ATP8A1: variants seen among roughly 807,000 people sequenced by gnomAD.
ATP8A1 encodes ATPase phospholipid transporting 8A1, also known as phospholipid-transporting ATPase IA.
ATP8A1 carries 90 observed loss-of-function variants against 177.7 expected under a neutral mutation model. That is an observed-to-expected ratio of 0.51 (90% CI 0.43 to 0.60). The LOEUF (loss-of-function observed/expected upper bound fraction) is 0.60, where lower values mean the gene tolerates loss of function less well. Among genes scored for constraint, ATP8A1 ranks in the 20% least tolerant of loss-of-function variants. The pLI is 0.00. For synonymous variants in ATP8A1, 493 were observed against 485.9 expected (o/e 1.01, Z -0.19); for missense variants, 1,072 against 1,392.8 (o/e 0.77, Z 3.67).
Position 42,479,996 on chromosome 4 carries a change from TTGTGTGTGTGTGTGTG to T in ATP8A1, c.2324+5484_2324+5499del, listed in dbSNP as rs376966152. 3.3e-3 allele frequency among the ~76,000 whole-genome samples: 444 copies of T among 135,654 alleles called. 1 individual carries two copies. Among genetic ancestry groups the T allele is most frequent in the Non-Finnish European group, 5.0e-3 (322 of 64,256 alleles). The allele number at this position is 135,654 out of a possible 152,430, so 89.0% of individuals were successfully genotyped here. A position where few individuals can be genotyped will look rare whatever the true frequency, so the allele number is the denominator to read the frequency against. On this transcript the variant is annotated intron_variant, in intron 25 of 36. Coordinates refer to ENST00000381668, the MANE Select transcript of ATP8A1 (RefSeq NM_006095.2). ...AGAATTATGTAATCTGCAGTTCTGCTTGTGTGTGTGTGTGTGTGTGTGTGTGTGTGTGTGTACTGGT... is the reference window on the plus strand; with the variant it reads ...AGAATTATGTAATCTGCAGTTCTGCTTGTGTGTGTGTGTGTGTGTACTGGT...
At chr4:42,606,754 C>A (rs887929597) in intron 5 of ATP8A1, among the ~76,000 whole-genome samples, 11 of 152,140 alleles carry the variant, frequency 7.2e-5, no homozygotes, top group African/African-American at 2.7e-4. Flanking sequence ...TTTCTACTAC[C>A]ACAGCAATGA....
intron 7 of ATP8A1, 48 bp downstream of exon 7, chr4:42,590,763 C>T (rs374640623): frequency 2.2e-5 from 35 of 1,556,890 alleles, no homozygotes; most frequent in South Asian, 1.1e-4. Flanking sequence ...CTCCGGTTTA[C>T]GGTGAGGACC....
chr4:42,584,820 T>G (rs1253359675), intron 9 of ATP8A1, among the ~76,000 whole-genome samples: 1 of 152,206 alleles, frequency 6.6e-6, no homozygotes, highest in African/African-American at 2.4e-5. Flanking sequence ...CCTGGACATC[T>G]CTGTTTGGAC....
chr4:42,619,460 A>G (rs1374272871), intron 4 of ATP8A1, among the ~76,000 whole-genome samples: 1 of 152,130 alleles, frequency 6.6e-6, no homozygotes. Context: ...ATTTCCAAGT[A>G]TGTGTGTTAT....
chr4:42,413,331 A>AG (rs1299005722), intron 36 of ATP8A1, among the ~76,000 whole-genome samples: 6 of 152,088 alleles, frequency 3.9e-5, no homozygotes, highest in African/African-American at 1.4e-4. Flanking sequence ...CCAATTCTGG[A>AG]GGGGGTGAGG....
intron 24 of ATP8A1, among the ~76,000 whole-genome samples, chr4:42,501,857 G>T (rs1218967297): frequency 6.6e-6 from 1 of 152,158 alleles, no homozygotes; most frequent in Non-Finnish European, 1.5e-5. Flanking sequence ...TGGGAGAAAA[G>T]CCTTCCCCAG....
chr4:42,521,250 A>T (rs1048896914), intron 22 of ATP8A1, among the ~76,000 whole-genome samples: 13 of 152,162 alleles, frequency 8.5e-5, no homozygotes, highest in Non-Finnish European at 1.6e-4. Flanking sequence ...AAGTCACTTG[A>T]ATGATTTAGA....
chr4:42,507,496 G>C (rs1467446834), intron 22 of ATP8A1, among the ~76,000 whole-genome samples: 1 of 151,990 alleles, frequency 6.6e-6, no homozygotes, highest in Non-Finnish European at 1.5e-5. Context: ...GGGAGGCCAA[G>C]GCTGGCGGAT....
chr4:42,607,845 G>T (rs549731546), intron 5 of ATP8A1, among the ~76,000 whole-genome samples: 115 of 152,034 alleles, frequency 7.6e-4, no homozygotes, highest in African/African-American at 2.5e-3. Context: ...AGCGTTAAGA[G>T]CCTAGAGGAG....
intron 27 of ATP8A1, 53 bp downstream of exon 27, chr4:42,464,637 T>A: frequency 1.9e-6 from 2 of 1,054,424 alleles, no homozygotes; most frequent in South Asian, 3.4e-5. Context: ...TAAAGAAAAT[T>A]TCTTTAAATA....
intron 1 of ATP8A1, among the ~76,000 whole-genome samples, chr4:42,635,778 CACACATATAT>C (rs1468956380): frequency 8.9e-5 from 3 of 33,662 alleles, no homozygotes; most frequent in African/African-American, 2.4e-4. Context: ...CACACACACA[CACACATATAT>C]ATATATATAT....
In ATP8A1 at chr4:42,408,787, G is replaced by A. The variant is rs1378765703; in HGVS notation, c.*4129C>T. ...GATTAAAGTAGTTAAACAACAGATA[G>A]TATTTACTGCATTTATGGCTTCCAT... is the stretch of plus-strand genomic sequence containing the variant. On this transcript the variant is annotated 3_prime_UTR_variant, in exon 37 of 37. Transcript: ENST00000381668. 2 of 152,142 alleles carry A rather than the reference G, an allele frequency of 1.3e-5. No homozygotes were observed. The highest frequency in any genetic ancestry group is 2.4e-5 in the African/African-American group (1 of 41,444). 9.4% of individuals were successfully genotyped at this position (152,142 alleles called of 1,614,324 possible). A position where few individuals can be genotyped will look rare whatever the true frequency, so the allele number is the denominator to read the frequency against.
chr4:42,434,500 T>C (rs544580478), intron 33 of ATP8A1, among the ~76,000 whole-genome samples: 14 of 152,356 alleles, frequency 9.2e-5, no homozygotes, highest in Non-Finnish European at 1.6e-4. Context: ...ACAGCTGTTA[T>C]ATGGCTTACA....
intron 6 of ATP8A1, among the ~76,000 whole-genome samples, chr4:42,593,609 AAAC>A (rs1487789435): frequency 1.3e-5 from 2 of 152,100 alleles, no homozygotes; most frequent in Non-Finnish European, 2.9e-5. Context: ...AAATGATGAT[AAAC>A]AACCTCTAAA....
chr4:42,651,702 A>G (rs1165449895), intron 1 of ATP8A1, among the ~76,000 whole-genome samples: 1 of 152,208 alleles, frequency 6.6e-6, no homozygotes, highest in Non-Finnish European at 1.5e-5. Context: ...TCTCCTGGCT[A>G]AAACTATTGT....
chr4:42,601,783 A>G (rs1434823947), intron 5 of ATP8A1, among the ~76,000 whole-genome samples: 1 of 152,224 alleles, frequency 6.6e-6, no homozygotes, highest in East Asian at 1.9e-4. Context: ...TTATAGGTAC[A>G]AAAACAGATT....
chr4:42,572,754 T>C (rs939659307), intron 14 of ATP8A1, among the ~76,000 whole-genome samples: 2 of 152,216 alleles, frequency 1.3e-5, no homozygotes, highest in African/African-American at 4.8e-5. Flanking sequence ...TTATGTTAGA[T>C]TTCGTATCTG....
chr4:42,601,379 A>AG (rs1167389912), intron 5 of ATP8A1, among the ~76,000 whole-genome samples: 2 of 143,606 alleles, frequency 1.4e-5, no homozygotes, highest in Admixed American at 1.4e-4. Context: ...GAAAAGAAAA[A>AG]AAAAAGGCAG....
intron 22 of ATP8A1, among the ~76,000 whole-genome samples, chr4:42,511,280 T>C (rs1018341010): frequency 3.3e-5 from 5 of 152,334 alleles, no homozygotes; most frequent in African/African-American, 9.6e-5. Context: ...TGCGTGCTTT[T>C]CCTGATCATA....
Sources: gnomAD v4.1 joint callset for allele counts (sites outside exome capture counted in the v4.1 genomes callset) on GRCh38, gnomAD v4.1.1 for gene constraint, MANE v1.5 for transcripts, NCBI Gene and HGNC (gene_info 2026-07-23, HGNC 2026-07-21) for gene names.